Variants in FNBP1L observed in about 807,000 individuals in gnomAD.
The protein encoded by FNBP1L is formin binding protein 1 like.
A neutral mutation model predicts 91.2 loss-of-function variants in FNBP1L; 36 were observed. The observed-to-expected ratio is 0.39, with a 90% confidence interval of 0.30 to 0.52. FNBP1L has a LOEUF of 0.52. Among genes scored for constraint, FNBP1L ranks in the 20% least tolerant of loss-of-function variants. FNBP1L has a pLI of 0.66. For synonymous variants in FNBP1L, 242 were observed against 237.0 expected (o/e 1.02, Z -0.19); for missense variants, 571 against 732.1 (o/e 0.78, Z 2.54).
At chr1:93,461,028 C>G (rs2101688041) in intron 1 of FNBP1L, among the ~76,000 whole-genome samples, 1 of 151,776 alleles carries the variant, frequency 6.6e-6, no homozygotes, top group East Asian at 1.9e-4. Flanking sequence ...GCATTTTTTT[C>G]TTTGTCGGTT....
intron 1 of FNBP1L, among the ~76,000 whole-genome samples, chr1:93,498,480 A>AT (rs908448059): frequency 6.6e-6 from 1 of 152,106 alleles, no homozygotes; most frequent in East Asian, 1.9e-4. Flanking sequence ...TAGGAGTAGA[A>AT]TTTTTTTTGA....
intron 1 of FNBP1L, among the ~76,000 whole-genome samples, chr1:93,464,109 T>G (rs184891261): frequency 6.6e-5 from 10 of 152,304 alleles, no homozygotes; most frequent in Admixed American, 3.9e-4. Flanking sequence ...GTGAAGAAAT[T>G]GAAACCCTTG....
At chr1:93,549,737 A>G (rs963665695) in intron 15 of FNBP1L, among the ~76,000 whole-genome samples, 1 of 152,244 alleles carries the variant, frequency 6.6e-6, no homozygotes, top group Non-Finnish European at 1.5e-5. Flanking sequence ...AACAAAGTCG[A>G]GGCAGCTTGA....
At chr1:93,469,435 A>G (rs1193260101) in intron 1 of FNBP1L, among the ~76,000 whole-genome samples, 3 of 152,146 alleles carry the variant, frequency 2.0e-5, no homozygotes, top group Non-Finnish European at 4.4e-5. Flanking sequence ...TCATGGCTGC[A>G]TAGTATATTC....
At chr1:93,452,790 A>T (rs909935961) in intron 1 of FNBP1L, among the ~76,000 whole-genome samples, 1 of 152,142 alleles carries the variant, frequency 6.6e-6, no homozygotes, top group Non-Finnish European at 1.5e-5. Flanking sequence ...ATTAATGTAA[A>T]CTGAATTGCT....
intron 2 of FNBP1L, among the ~76,000 whole-genome samples, chr1:93,520,867 C>T (rs1207177067): frequency 1.3e-5 from 2 of 152,074 alleles, no homozygotes; most frequent in African/African-American, 4.8e-5. Flanking sequence ...TGTGGTGAAA[C>T]CCTATCTCTA....
intron 1 of FNBP1L, among the ~76,000 whole-genome samples, chr1:93,474,472 T>TA (rs1669424263): frequency 6.6e-6 from 1 of 152,142 alleles, no homozygotes; most frequent in Admixed American, 6.5e-5. Flanking sequence ...GCAGGGAAGA[T>TA]AAGTATTGAG....
At chr1:93,523,323 A>G (rs750763917) in intron 3 of FNBP1L, 21 bp from the exon 4 acceptor site, 3 of 1,585,926 alleles carry the variant, frequency 1.9e-6, no homozygotes, top group Admixed American at 1.8e-5. Context: ...AAGTCTCACC[A>G]TTTTGAAATG....
At chr1:93,472,715 G>C (rs1427800640) in intron 1 of FNBP1L, among the ~76,000 whole-genome samples, 1 of 150,310 alleles carries the variant, frequency 6.7e-6, no homozygotes, top group Non-Finnish European at 1.5e-5. Flanking sequence ...GGGAGGCTGA[G>C]GCAGGAGAAT....
At chr1:93,454,141 G>A (rs768990578) in intron 1 of FNBP1L, among the ~76,000 whole-genome samples, 14 of 152,194 alleles carry the variant, frequency 9.2e-5, no homozygotes, top group Non-Finnish European at 1.3e-4. Flanking sequence ...ATCCTGCCTG[G>A]ATTAGCCTGA....
At chr1:93,470,733 C>T (rs892474215) in intron 1 of FNBP1L, among the ~76,000 whole-genome samples, 1 of 151,968 alleles carries the variant, frequency 6.6e-6, no homozygotes, top group Non-Finnish European at 1.5e-5. Flanking sequence ...ATTGGCCAGG[C>T]GTCATGGTGC....
At chr1:93,523,894 A>G (rs1470159451) in intron 4 of FNBP1L, among the ~76,000 whole-genome samples, 1 of 152,234 alleles carries the variant, frequency 6.6e-6, no homozygotes, top group Admixed American at 6.5e-5. Context: ...CTGCTTTTGC[A>G]TCACACTAGC....
At position 93,543,102 on chromosome 1, in the gene FNBP1L, A is replaced by C. The variant is rs1446252903; in HGVS notation, c.1165-1005A>C. 5.3e-5 allele frequency among the ~76,000 whole-genome samples: 8 copies of C among 152,256 alleles called. No homozygotes were observed. The South Asian group carries it at 1.5e-3, about 28-fold the overall frequency. ...AGCCACTGCGCCTGGCCTTATTCTT[A>C]GAATAACCATTTTGAAAAGAAAATG... is the stretch of plus-strand genomic sequence containing the variant. On this transcript the variant is annotated intron_variant, in intron 11 of 16. Transcript: ENST00000271234.
chr1:93,525,308 CTGT>C (rs1430519667), intron 5 of FNBP1L, among the ~76,000 whole-genome samples: 1 of 151,982 alleles, frequency 6.6e-6, no homozygotes, highest in East Asian at 1.9e-4. Context: ...TGCTTTCAGC[CTGT>C]TTTCTTTCCC....
intron 1 of FNBP1L, among the ~76,000 whole-genome samples, chr1:93,472,736 C>T (rs1170363811): frequency 4.6e-5 from 6 of 131,172 alleles, no homozygotes; most frequent in Admixed American, 9.4e-5. Flanking sequence ...AGTGTGAACC[C>T]GGGAGGCGGA....
At chr1:93,544,239 C>A (rs1672142113) in intron 12 of FNBP1L, 23 bp downstream of exon 12, 1 of 1,539,178 alleles carries the variant, frequency 6.5e-7, no homozygotes, top group Admixed American at 1.7e-5. Flanking sequence ...TAAGTTTTCT[C>A]TATCATTATT....
At chr1:93,462,164 C>T (rs1668890294) in intron 1 of FNBP1L, among the ~76,000 whole-genome samples, 2 of 152,136 alleles carry the variant, frequency 1.3e-5, no homozygotes, top group South Asian at 4.1e-4. Flanking sequence ...AGAAGATTTC[C>T]CTGGATGTTG....
intron 1 of FNBP1L, among the ~76,000 whole-genome samples, chr1:93,493,295 G>A (rs555416187): frequency 2.0e-5 from 3 of 152,298 alleles, no homozygotes; most frequent in African/African-American, 7.2e-5. Flanking sequence ...GCTGCAGTGA[G>A]CTATGATGGT....
intron 1 of FNBP1L, among the ~76,000 whole-genome samples, chr1:93,484,216 C>T (rs1475999302): frequency 1.3e-5 from 2 of 152,056 alleles, no homozygotes; most frequent in Non-Finnish European, 1.5e-5. Context: ...CGTGAGCCAC[C>T]ACGCCTGGCT....
Sources: allele counts gnomAD v4.1 joint callset (sites outside exome capture counted in the v4.1 genomes callset), GRCh38; gene constraint gnomAD v4.1.1; transcripts MANE v1.5; gene names NCBI Gene and HGNC (gene_info 2026-07-23, HGNC 2026-07-21).